SANBR: variants seen among roughly 807,000 people sequenced by gnomAD.
SANBR encodes the protein SANT and BTB domain regulator of CSR.
In SANBR, 77 loss-of-function variants were observed where a neutral mutation model predicts 101.8. That is an observed-to-expected ratio of 0.76 (90% CI 0.63 to 0.91). The LOEUF is 0.91. Ranked by LOEUF, SANBR falls within the 40% of genes least tolerant of loss-of-function variation. SANBR has a pLI of 0.00. For missense variants in SANBR, 875 were observed against 853.0 expected (o/e 1.03, Z -0.32); for synonymous variants, 279 against 274.7 (o/e 1.02, Z -0.15).
intron 5 of SANBR, among the ~76,000 whole-genome samples, chr2:61,075,584 T>C (rs981164084): frequency 1.3e-5 from 2 of 152,174 alleles, no homozygotes; most frequent in African/African-American, 4.8e-5. Flanking sequence ...GAAAGTAAAT[T>C]CAAGGAGATT....
chr2:61,133,735 A>G (rs1448442992), intron 20 of SANBR, among the ~76,000 whole-genome samples: 1 of 152,246 alleles, frequency 6.6e-6, no homozygotes, highest in Non-Finnish European at 1.5e-5. Flanking sequence ...GAATGGTCAA[A>G]TATATAGAGA....
intron 8 of SANBR, among the ~76,000 whole-genome samples, chr2:61,085,815 C>G (rs1352221434): frequency 2.0e-5 from 3 of 151,998 alleles, no homozygotes; most frequent in Non-Finnish European, 2.9e-5. Context: ...CCAGCCAACA[C>G]ACTGTCTTAA....
intron 4 of SANBR, among the ~76,000 whole-genome samples, chr2:61,072,492 G>C (rs1681525207): frequency 6.6e-6 from 1 of 152,104 alleles, no homozygotes; most frequent in African/African-American, 2.4e-5. Context: ...TAAGAGGCTT[G>C]CTTAAGCCCA....
downstream of SANBR, among the ~76,000 whole-genome samples, chr2:61,125,529 G>A (rs115437450): frequency 4.6e-3 from 706 of 152,310 alleles, 9 homozygotes; most frequent in African/African-American, 0.016. Flanking sequence ...ATGTGGTAGG[G>A]AGCTATGCTG....
chr2:61,117,425 A>G lies in SANBR; in HGVS notation c.1865+40A>G, dbSNP rs756572389. ...TTAATCCAATCGGATATCCACTCTTAAAGAAGCATCAATGCTGATTTTTGT... is the reference window on the plus strand; with the variant it reads ...TTAATCCAATCGGATATCCACTCTTGAAGAAGCATCAATGCTGATTTTTGT... On this transcript the variant is annotated intron_variant, in intron 18 of 21. Transcript: ENST00000402291. 5 of 1,612,562 alleles carry G rather than the reference A, an allele frequency of 3.1e-6. No individual in the cohort carries two copies. The East Asian group carries it at 1.1e-4, about 36-fold the overall frequency.
chr2:61,117,571 T>C (rs977022059), intron 19 of SANBR, 31 bp downstream of exon 19: 9 of 1,540,546 alleles, frequency 5.8e-6, no homozygotes, highest in Non-Finnish European at 8.1e-6. Context: ...AATGTACAAA[T>C]TGGATGTAAA....
At chr2:61,122,088 A>G (rs1388489972) in intron 21 of SANBR, 38 bp from the exon 22 acceptor site, 5 of 1,544,198 alleles carry the variant, frequency 3.2e-6, no homozygotes, top group Admixed American at 2.0e-5. Flanking sequence ...ATTGTTTTAG[A>G]AGCAATTCTG....
At chr2:61,111,296 G>A (rs1241398778) in intron 16 of SANBR, among the ~76,000 whole-genome samples, 1 of 152,182 alleles carries the variant, frequency 6.6e-6, no homozygotes, top group African/African-American at 2.4e-5. Flanking sequence ...GGGAGGCTGA[G>A]GCAGGAAAAT....
intron 13 of SANBR, among the ~76,000 whole-genome samples, chr2:61,105,310 G>T (rs1267875164): frequency 1.3e-5 from 2 of 151,804 alleles, no homozygotes; most frequent in African/African-American, 4.8e-5. Context: ...AGGCTACAGT[G>T]AGCTGAGATT....
At chr2:61,126,013 C>T (rs1439084056), downstream of SANBR, among the ~76,000 whole-genome samples, 1 of 152,204 alleles carries the variant, frequency 6.6e-6, no homozygotes, top group Non-Finnish European at 1.5e-5. Flanking sequence ...CTCGAGTGCA[C>T]TTTCGGTAGT....
At chr2:61,120,533 C>A (rs1030894175) in intron 20 of SANBR, among the ~76,000 whole-genome samples, 1 of 152,078 alleles carries the variant, frequency 6.6e-6, no homozygotes, top group Non-Finnish European at 1.5e-5. Context: ...AATTCAAGAC[C>A]AGCCTGGGCA....
At chr2:61,094,638 C>CTTTTTTTTT (rs35061669) in intron 11 of SANBR, among the ~76,000 whole-genome samples, 8 of 79,014 alleles carry the variant, frequency 1.0e-4, no homozygotes, top group African/African-American at 2.0e-4. Context: ...TATTTCTCTT[C>CTTTTTTTTT]TTTTTTTTTT....
chr2:61,070,188 AT>A, intron 2 of SANBR, 153 bp from the exon 3 acceptor site: 2 of 445,308 alleles, frequency 4.5e-6, no homozygotes, highest in East Asian at 7.5e-5. Flanking sequence ...TTGTGAAGAG[AT>A]TTAGGCTATA....
intron 3 of SANBR, among the ~76,000 whole-genome samples, chr2:61,071,132 T>C (rs1278173535): frequency 6.6e-6 from 1 of 152,186 alleles, no homozygotes; most frequent in Non-Finnish European, 1.5e-5. Flanking sequence ...GGCTTTTGCA[T>C]AGTGAAATGT....
At chr2:61,109,681 G>T (rs1177260) in intron 16 of SANBR, among the ~76,000 whole-genome samples, 65,596 of 124,742 alleles carry the variant, frequency 0.53, 16,505 homozygotes, top group Middle Eastern at 0.65. Flanking sequence ...TTTTGTGTTT[G>T]TTTTTTTTTT....
intron 6 of SANBR, among the ~76,000 whole-genome samples, chr2:61,079,289 TA>T (rs1381067819): frequency 7.9e-5 from 12 of 152,262 alleles, no homozygotes; most frequent in Middle Eastern, 3.4e-3. Flanking sequence ...CTACTAGTAT[TA>T]CTAGTAGAAT....
At position 61,072,821 on chromosome 2, in the gene SANBR, C is replaced by CTTTTTTTTTTTTTTT. The variant is rs70959893; in HGVS notation, c.338-622_338-608dup. On this transcript the variant is annotated intron_variant, in intron 4 of 21. Transcript: ENST00000402291. ...AGACTCTTGCTTGTCTCTCATGTTA[C>CTTTTTTTTTTTTTTT]TTTTTTTTTTTTTTTTTTTTTTTTT... Among the ~76,000 whole-genome samples the CTTTTTTTTTTTTTTT allele has an allele frequency of 1.2e-3, 39 of 31,658 alleles. 1 individual carries two copies. The highest frequency in any genetic ancestry group is 1.8e-3 in the East Asian group (1 of 556). The allele number at this position is 31,658 out of a possible 152,430, so 20.8% of individuals were successfully genotyped here. A position where few individuals can be genotyped will look rare whatever the true frequency, so the allele number is the denominator to read the frequency against.
chr2:61,124,144 G>A lies in SANBR; in HGVS notation c.*1982G>A, dbSNP rs925576050. 1 of 980,842 alleles carries A rather than the reference G, an allele frequency of 1.0e-6. No homozygotes were observed. The highest frequency in any genetic ancestry group is 1.2e-6 in the Non-Finnish European group (1 of 825,666). The allele number at this position is 980,842 out of a possible 1,614,324, so 60.8% of individuals were successfully genotyped here. A position where few individuals can be genotyped will look rare whatever the true frequency, so the allele number is the denominator to read the frequency against. On this transcript the variant is annotated 3_prime_UTR_variant, in exon 22 of 22. Coordinates refer to ENST00000402291, the MANE Select transcript of SANBR (RefSeq NM_001129993.3). Reference sequence around the variant, plus strand: ...TTTTTAATTTTGTTAATGTTTGTCTGTTATACATAGCACTGGTACCGCAAA... The same window carrying A: ...TTTTTAATTTTGTTAATGTTTGTCTATTATACATAGCACTGGTACCGCAAA...
intron 7 of SANBR, among the ~76,000 whole-genome samples, chr2:61,081,873 T>G (rs1682152450): frequency 6.6e-6 from 1 of 152,152 alleles, no homozygotes; most frequent in African/African-American, 2.4e-5. Context: ...GGTCTCGAAC[T>G]CCTAATCTCA....
Sources: gnomAD v4.1 joint callset for allele counts (sites outside exome capture counted in the v4.1 genomes callset) on GRCh38, gnomAD v4.1.1 for gene constraint, MANE v1.5 for transcripts, NCBI Gene and HGNC (gene_info 2026-07-23, HGNC 2026-07-21) for gene names.